Variants in TRPM6 observed in about 807,000 individuals in gnomAD.
TRPM6 encodes the protein transient receptor potential cation channel subfamily M member 6.
A neutral mutation model predicts 247.6 loss-of-function variants in TRPM6; 111 were observed. The observed-to-expected ratio is 0.45, with a 90% CI of 0.38 to 0.52. TRPM6 has a LOEUF of 0.52. TRPM6 is among the 20% of genes least tolerant of loss of function. The pLI is 0.00. For missense variants in TRPM6, 2,126 were observed against 2,421.5 expected, an observed-to-expected ratio of 0.88 and a Z score of 2.56; for synonymous variants, 892 against 853.8, an observed-to-expected ratio of 1.04 and a Z score of -0.78.
chr9:74,800,131 T>A, intron 17 of TRPM6, 123 bp downstream of exon 17: 1 of 885,716 alleles, frequency 1.1e-6, no homozygotes, highest in Non-Finnish European at 1.8e-6. Context: ...AACCTCCAAA[T>A]GAGCTCTCAA....
At chr9:74,765,000 T>C (rs947894946) in intron 25 of TRPM6, among the ~76,000 whole-genome samples, 5 of 152,104 alleles carry the variant, frequency 3.3e-5, no homozygotes, top group African/African-American at 1.2e-4. Context: ...ACAGCATTTG[T>C]TTTAACCTAG....
chr9:74,816,328 C>T (rs142850058), intron 11 of TRPM6, among the ~76,000 whole-genome samples: 1 of 152,206 alleles, frequency 6.6e-6, no homozygotes, highest in African/African-American at 2.4e-5. Flanking sequence ...ATGATCATAC[C>T]ATTGCATGAC....
Position 74,796,960 on chromosome 9 carries a change from A to C in TRPM6, c.2239-67T>G. On this transcript the variant is annotated intron_variant, in intron 17 of 38. Coordinates refer to ENST00000360774, the MANE Select transcript of TRPM6 (RefSeq NM_017662.5). The stretch of plus-strand genomic sequence containing the variant: ...AAAAGCACATACTAGACAAATAACA[A>C]AATTAAGAATTTCAGTGTATATAAA... 6 of 1,398,268 alleles carry C rather than the reference A, an allele frequency of 4.3e-6. No homozygotes were observed. In the South Asian group the frequency reaches 7.0e-5, roughly 16 times the overall value. 86.6% of individuals were successfully genotyped at this position (1,398,268 alleles called of 1,614,324 possible). A position where few individuals can be genotyped will look rare whatever the true frequency, so the allele number is the denominator to read the frequency against.
intron 31 of TRPM6, among the ~76,000 whole-genome samples, chr9:74,745,747 G>C (rs939944971): frequency 6.6e-6 from 1 of 152,170 alleles, no homozygotes; most frequent in Non-Finnish European, 1.5e-5. Context: ...TTGAGGGGTG[G>C]CTGGAAAGCA....
At chr9:74,747,763 A>G in intron 31 of TRPM6, 126 bp downstream of exon 31, 1 of 793,568 alleles carries the variant, frequency 1.3e-6, no homozygotes, top group Non-Finnish European at 2.0e-6. Context: ...TGAACTTTCT[A>G]CATTGCATGA....
intron 31 of TRPM6, 141 bp downstream of exon 31, chr9:74,747,748 T>C: frequency 1.4e-6 from 1 of 690,442 alleles, no homozygotes; most frequent in African/African-American, 1.8e-5. Context: ...TTTCTACTCT[T>C]CTACTGAACT....
At chr9:74,867,190 T>C (rs1021394963) in intron 1 of TRPM6, among the ~76,000 whole-genome samples, 1 of 152,204 alleles carries the variant, frequency 6.6e-6, no homozygotes, top group South Asian at 2.1e-4. Flanking sequence ...AATGGCCTTT[T>C]TAGATCATTG....
Position 74,820,443 on chromosome 9 carries a change from A to G in TRPM6, c.1011-16T>C, listed in dbSNP as rs780900852. 4.3e-6 allele frequency: 7 copies of G among 1,613,984 alleles called. No individual in the cohort carries two copies. The highest frequency in any genetic ancestry group is 2.2e-5 in the East Asian group (1 of 44,868). ...TCGCAGCATCCTGGAAGAGAAATAA[A>G]TGGTCTTGACACAACCCAGAGAGGG... is the stretch of plus-strand genomic sequence containing the variant. On this transcript the variant is annotated splice_polypyrimidine_tract_variant and intron_variant, in intron 8 of 38. Transcript: ENST00000360774.
chr9:74,838,724 C>T (rs574727989), intron 5 of TRPM6, among the ~76,000 whole-genome samples: 3 of 150,860 alleles, frequency 2.0e-5, no homozygotes, highest in Non-Finnish European at 4.4e-5. Context: ...GTTGGCATCT[C>T]GTGTAGATCT....
At chr9:74,824,916 A>G (rs1484293553) in intron 7 of TRPM6, among the ~76,000 whole-genome samples, 4 of 152,112 alleles carry the variant, frequency 2.6e-5, no homozygotes, top group Non-Finnish European at 4.4e-5. Flanking sequence ...TCTGCCAACA[A>G]CAAGGGTTTG....
At chr9:74,775,074 C>A (rs1376124430) in intron 24 of TRPM6, among the ~76,000 whole-genome samples, 5 of 152,158 alleles carry the variant, frequency 3.3e-5, no homozygotes, top group Non-Finnish European at 7.4e-5. Flanking sequence ...CCACCAAACG[C>A]AATGTTCTCT....
intron 7 of TRPM6, among the ~76,000 whole-genome samples, chr9:74,823,298 C>T (rs1417552398): frequency 1.3e-5 from 2 of 152,222 alleles, no homozygotes; most frequent in Non-Finnish European, 2.9e-5. Context: ...CCAAAGAACA[C>T]CACGTTGCTA....
chr9:74,796,734 C>G lies in TRPM6; in HGVS notation c.2391+7G>C, dbSNP rs1323403953. The G allele has an allele frequency of 6.2e-7, 1 of 1,613,680 alleles. No homozygotes were observed. The highest frequency in any genetic ancestry group is 1.7e-5 in the Admixed American group (1 of 59,990). ...GAAAATTCAGTTCATTATGATTTTG[C>G]ACTAACCACAGAAGCACTTTCTTTG... On this transcript the variant is annotated splice_region_variant and intron_variant, in intron 18 of 38. Coordinates refer to ENST00000360774, the MANE Select transcript of TRPM6 (RefSeq NM_017662.5).
At chr9:74,761,850 G>T in intron 26 of TRPM6, 42 bp from the exon 27 acceptor site, 1 of 1,524,842 alleles carries the variant, frequency 6.6e-7, no homozygotes, top group Non-Finnish European at 9.1e-7. Flanking sequence ...ACAACAGTAA[G>T]TGGGGAACAT....
intron 1 of TRPM6, among the ~76,000 whole-genome samples, chr9:74,871,498 C>T (rs1179078756): frequency 6.6e-6 from 1 of 152,082 alleles, no homozygotes; most frequent in African/African-American, 2.4e-5. Flanking sequence ...GACCAGTATT[C>T]CCTAATATGG....
intron 27 of TRPM6, among the ~76,000 whole-genome samples, chr9:74,758,789 C>G (rs1353513688): frequency 6.6e-6 from 1 of 152,050 alleles, no homozygotes; most frequent in Non-Finnish European, 1.5e-5. Context: ...TCAGTGTAAT[C>G]AGGCAAGAAA....
intron 1 of TRPM6, among the ~76,000 whole-genome samples, chr9:74,881,504 C>T (rs1189625507): frequency 2.0e-5 from 3 of 152,042 alleles, no homozygotes; most frequent in African/African-American, 7.2e-5. Flanking sequence ...TTGGGGACTT[C>T]AACACCCCAC....
At position 74,762,510 on chromosome 9, in the gene TRPM6, C is replaced by T. The variant is rs748606413; in HGVS notation, c.4161G>A (p.Leu1387=). 11 of 1,614,144 alleles carry T rather than the reference C, an allele frequency of 6.8e-6. No individual in the cohort carries two copies. Among genetic ancestry groups the T allele is most frequent in the Non-Finnish European group, 9.3e-6 (11 of 1,180,024 alleles). Residue 1387 remains leucine (L), a synonymous_variant, in exon 26 of 39, where the codon CTG becomes CTA. Transcript: ENST00000360774. ...QDIQTEVLVH[L]TGQTPVVSDW... ...CAGAGACAACTGGGGTCTGCCCAGT[C>T]AGATGAACAAGAACCTCAGTCTGGA... is the stretch of plus-strand genomic sequence containing the variant.
chr9:74,757,935 A>G (rs991596061), intron 27 of TRPM6, among the ~76,000 whole-genome samples: 2 of 152,170 alleles, frequency 1.3e-5, no homozygotes, highest in African/African-American at 4.8e-5. Flanking sequence ...ATGAATAAAT[A>G]AAATAAAATG....
Sources: allele counts gnomAD v4.1 joint callset (sites outside exome capture counted in the v4.1 genomes callset), GRCh38; gene constraint gnomAD v4.1.1; transcripts MANE v1.5; gene names NCBI Gene and HGNC (gene_info 2026-07-23, HGNC 2026-07-21).